The following DUOX2 variants were observed in gnomAD, a reference collection of about 807,000 sequenced individuals.
The protein encoded by DUOX2 is dual oxidase 2.
Under a neutral mutation model 183.3 loss-of-function variants are expected in DUOX2, and 185 were observed. The ratio of observed to expected loss-of-function variants is 1.01; its 90% CI spans 0.90 to 1.14. The LOEUF (loss-of-function observed/expected upper bound fraction) is 1.14. Among genes scored for constraint, DUOX2 ranks in the 50% most tolerant of loss-of-function variants. The pLI is 0.00. For missense variants in DUOX2, 1,999 were observed against 2,022.9 expected (o/e 0.99, Z 0.23); for synonymous variants, 788 against 812.4 (o/e 0.97, Z 0.51).
rs577543265 is a variant in DUOX2 at position 45,100,040 on chromosome 15, G to T, written c.3184+10C>A. On this transcript the variant is annotated intron_variant, in intron 24 of 33. Transcript: ENST00000389039. ...CTCCCTACCCACTGCCCACAGCCTGGAACTCTTACAGTAAGCACGATCTGC... is the reference window on the plus strand; with the variant it reads ...CTCCCTACCCACTGCCCACAGCCTGTAACTCTTACAGTAAGCACGATCTGC... 6.2e-7 allele frequency: 1 copy of T among 1,614,200 alleles called. No individual in the cohort carries two copies. Among genetic ancestry groups the T allele is most frequent in the South Asian group, 1.1e-5 (1 of 91,076 alleles).
Position 45,110,792 on chromosome 15 carries a change from G to C in DUOX2, c.883-82C>G, listed in dbSNP as rs80231352. On this transcript the variant is annotated intron_variant, in intron 7 of 33. Coordinates refer to ENST00000389039, the MANE Select transcript of DUOX2 (RefSeq NM_001363711.2). Reference sequence around the variant, plus strand: ...GGGTCTGAGCCCAAGGACGGCTTCCGTGTGGAGATGAGACCAGGAAGGGTC... The same window carrying C: ...GGGTCTGAGCCCAAGGACGGCTTCCCTGTGGAGATGAGACCAGGAAGGGTC... The C allele has an allele frequency of 1.0e-3, 1,661 of 1,601,152 alleles. 44 individuals carry two copies. The East Asian group carries it at 0.035, about 34-fold the overall frequency.
intron 33 of DUOX2, 74 bp downstream of exon 33, chr15:45,094,489 G>A: frequency 6.4e-7 from 1 of 1,561,112 alleles, no homozygotes; most frequent in Non-Finnish European, 8.7e-7. Flanking sequence ...GAACAGAGTG[G>A]CAGGGTGCTT....
Position 45,094,625 on chromosome 15 carries a change from T to A in DUOX2, c.4462A>T (p.Thr1488Ser). 1 of 1,613,860 alleles carries A rather than the reference T, an allele frequency of 6.2e-7. No homozygotes were observed. Among genetic ancestry groups the A allele is most frequent in the Non-Finnish European group, 8.5e-7 (1 of 1,179,958 alleles). The change falls in exon 33 of 34, where the codon ACC becomes TCC. Residue 1488 changes from threonine to serine, a missense_variant. Physicochemically the swap from Thr to Ser is moderately conservative, Grantham distance 58 (BLOSUM62 1). Transcript: ENST00000389039. ...TCGAAGGGGGGACGGCCAAAGTGGG[T>A]GATGGAGCGCAGGCCCGTGAACAGA... ...RSLFTGLRSI[T>S]HFGRPPFEPF...
intron 18 of DUOX2, 141 bp downstream of exon 18, chr15:45,105,502 C>A (rs746366662): frequency 6.0e-6 from 6 of 999,152 alleles, no homozygotes; most frequent in Non-Finnish European, 7.7e-6. Context: ...AGTAAAGTGG[C>A]AATGCCAGGA....
In DUOX2 at chr15:45,101,553, A is replaced by G. The variant is rs1277463053; in HGVS notation, c.2851+240T>C. On this transcript the variant is annotated intron_variant, in intron 21 of 33. Transcript: ENST00000389039. ...CTCTGGCCAGATACATCTTAGAGCA[A>G]TGCCGGTGGCTTTGAGCAGTGTGTA... is the stretch of plus-strand genomic sequence containing the variant. 1.1e-5 allele frequency: 7 copies of G among 627,400 alleles called. No individual in the cohort carries two copies. In the East Asian group the frequency reaches 1.6e-4, roughly 15 times the overall value. The allele number at this position is 627,400 out of a possible 1,614,324, so 38.9% of individuals were successfully genotyped here.
intron 26 of DUOX2, among the ~76,000 whole-genome samples, chr15:45,098,526 G>A (rs1250574080): frequency 6.6e-6 from 1 of 152,136 alleles, no homozygotes; most frequent in African/African-American, 2.4e-5. Context: ...GGCAGAGATG[G>A]CAAGCTGTGT....
At chr15:45,097,105 GT>G in intron 29 of DUOX2, 132 bp downstream of exon 29, 1 of 1,416,656 alleles carries the variant, frequency 7.1e-7, no homozygotes, top group Non-Finnish European at 9.8e-7. Flanking sequence ...CCCGAGAGTG[GT>G]TTTTTGTTGT....
intron 11 of DUOX2, 61 bp downstream of exon 11, chr15:45,109,463 C>A: frequency 2.7e-6 from 4 of 1,503,284 alleles, no homozygotes; most frequent in Non-Finnish European, 3.7e-6. Context: ...ATTGATGAAC[C>A]CAGAGGGATC....
chr15:45,113,782 C>T (rs1208612464), intron 1 of DUOX2, among the ~76,000 whole-genome samples, 191 bp downstream of exon 1: 1 of 152,162 alleles, frequency 6.6e-6, no homozygotes. Flanking sequence ...CACCTCCACC[C>T]GCCCCCGATC....
chr15:45,095,292 GTTTGGCATC>G, intron 31 of DUOX2, 136 bp downstream of exon 31: 1 of 1,434,944 alleles, frequency 7.0e-7, no homozygotes, highest in Non-Finnish European at 9.7e-7. Context: ...CTCCCTCCAA[GTTTGGCATC>G]TCAACCACTG....
At chr15:45,105,895 A>T in intron 17 of DUOX2, 67 bp from the exon 18 acceptor site, 1 of 1,588,098 alleles carries the variant, frequency 6.3e-7, no homozygotes, top group Non-Finnish European at 8.6e-7. Context: ...CCTCCCCTCA[A>T]TGGATCTTGG....
chr15:45,099,612 C>A (rs576035700), intron 25 of DUOX2, 50 bp downstream of exon 25: 2 of 1,608,046 alleles, frequency 1.2e-6, no homozygotes, highest in South Asian at 1.1e-5. Context: ...TTTCCCCCAA[C>A]TAGACCCAGG....
chr15:45,103,925 A>G, intron 20 of DUOX2, 35 bp downstream of exon 20: 1 of 1,610,516 alleles, frequency 6.2e-7, no homozygotes, highest in Non-Finnish European at 8.5e-7. Flanking sequence ...GAAACACACC[A>G]GGAAGTCTCA....
chr15:45,108,963 GAGA>G lies in DUOX2; in HGVS notation c.1235-14_1235-12del. Reference sequence around the variant, plus strand: ...GGCCAGGCCAGTAATCTGAAGAGGAGAGAAGACTAGACTATGGGCTTTGTCCTC... The same window carrying G: ...GGCCAGGCCAGTAATCTGAAGAGGAGAGACTAGACTATGGGCTTTGTCCTC... On this transcript the variant is annotated splice_polypyrimidine_tract_variant and intron_variant, in intron 11 of 33. Coordinates refer to ENST00000389039, the MANE Select transcript of DUOX2 (RefSeq NM_001363711.2). 1 of 1,614,100 alleles carries G rather than the reference GAGA, an allele frequency of 6.2e-7. No individual in the cohort carries two copies. Among genetic ancestry groups the G allele is most frequent in the Non-Finnish European group, 8.5e-7 (1 of 1,180,048 alleles).
rs1237677650 is a variant in DUOX2 at position 45,111,849 on chromosome 15, C to T, written c.432G>A (p.Gln144=). 2.5e-6 allele frequency: 4 copies of T among 1,613,542 alleles called. No individual in the cohort carries two copies. In the South Asian group the frequency reaches 3.3e-5, roughly 13 times the overall value. Residue 144 remains glutamine (Q), a synonymous_variant, in exon 5 of 34, where the codon CAG becomes CAA. Transcript: ENST00000389039. ...GGAAGGGCAGCACCACGTCCCCGCGCTGGTCGGGGTCGAACACGGGGTCTC... is the reference window on the plus strand; with the variant it reads ...GGAAGGGCAGCACCACGTCCCCGCGTTGGTCGGGGTCGAACACGGGGTCTC... The part of the protein sequence containing the change: ...PPGDPVFDPD[Q]RGDVVLPFQR...
rs115310278 is a variant in DUOX2, at chr15:45,095,821, C to A, written c.4080+7G>T. 1 of 1,611,956 alleles carries A rather than the reference C, an allele frequency of 6.2e-7. No individual in the cohort carries two copies. Among genetic ancestry groups the A allele is most frequent in the South Asian group, 1.1e-5 (1 of 91,004 alleles). On this transcript the variant is annotated splice_region_variant and intron_variant, in intron 30 of 33. Transcript: ENST00000389039. ...GGCCCGGAAGCAGGGTTCCCAGTGACGGGCACCTTTGGGTATCCAGCACAG... is the reference window on the plus strand; with the variant it reads ...GGCCCGGAAGCAGGGTTCCCAGTGAAGGGCACCTTTGGGTATCCAGCACAG...
At chr15:45,107,642 G>A (rs2052917022) in intron 13 of DUOX2, among the ~76,000 whole-genome samples, 179 bp from the exon 14 acceptor site, 1 of 151,966 alleles carries the variant, frequency 6.6e-6, no homozygotes, top group Admixed American at 6.5e-5. Flanking sequence ...TCAGGAGTTC[G>A]AGACCAGCCT....
intron 12 of DUOX2, 190 bp from the exon 13 acceptor site, chr15:45,108,412 A>G (rs1894287418): frequency 1.4e-6 from 1 of 692,134 alleles, no homozygotes; most frequent in African/African-American, 1.8e-5. Context: ...TACCCACGGT[A>G]ACACCACGGT....
intron 20 of DUOX2, among the ~76,000 whole-genome samples, chr15:45,103,743 C>A (rs1288709719): frequency 6.6e-6 from 1 of 151,544 alleles, no homozygotes; most frequent in Non-Finnish European, 1.5e-5. Flanking sequence ...GCTTTTCTGG[C>A]TGGTGTTGAC....
Sources: allele counts gnomAD v4.1 joint callset (sites outside exome capture counted in the v4.1 genomes callset), GRCh38; gene constraint gnomAD v4.1.1; transcripts MANE v1.5; gene names NCBI Gene and HGNC (gene_info 2026-07-23, HGNC 2026-07-21).